Variants in NBEAL2 observed in about 807,000 individuals in gnomAD.
NBEAL2 encodes the protein neurobeachin like 2.
Under a neutral mutation model 299.8 loss-of-function variants are expected in NBEAL2, and 160 were observed. The observed-to-expected ratio is 0.53, with a 90% CI of 0.47 to 0.61. The LOEUF is 0.61. NBEAL2 is among the 20% of genes least tolerant of loss of function. The pLI is 0.00. For synonymous variants in NBEAL2, 1,493 were observed against 1,542.3 expected (o/e 0.97, Z 0.75); for missense variants, 3,112 against 3,649.0 (o/e 0.85, Z 3.79).
chr3:46,994,577 G>A, intron 12 of NBEAL2, 24 bp downstream of exon 12: 2 of 1,544,334 alleles, frequency 1.3e-6, no homozygotes, highest in Non-Finnish European at 1.8e-6. Context: ...CTTGGGACCA[G>A]GGTCCCAAAG....
At position 46,995,337 on chromosome 3, in the gene NBEAL2, T is replaced by A. The variant is rs754137046; in HGVS notation, c.1602T>A (p.Arg534=). Reference sequence around the variant, plus strand: ...TATCAATAAGGCCCATGGAGCTGCGTCACCTGCTGCGCCCCCGGCCAGGAT... The same window carrying A: ...TATCAATAAGGCCCATGGAGCTGCGACACCTGCTGCGCCCCCGGCCAGGAT... ...GRVSIRPMEL[R]HLLRPRPGLD... is the part of the protein sequence containing the mutation. The change falls in exon 13 of 54, where the codon CGT becomes CGA. Residue 534 remains arginine, a synonymous_variant. Coordinates refer to ENST00000450053, the MANE Select transcript of NBEAL2 (RefSeq NM_015175.3). The A allele has an allele frequency of 6.2e-7, 1 of 1,606,302 alleles. No homozygotes were observed. The highest frequency in any genetic ancestry group is 2.2e-5 in the East Asian group (1 of 44,542).
chr3:47,000,802 T>G lies in NBEAL2; in HGVS notation c.4306-199T>G. 1 of 780,172 alleles carries G rather than the reference T, an allele frequency of 1.3e-6. No individual in the cohort carries two copies. The highest frequency in any genetic ancestry group is 2.0e-6 in the Non-Finnish European group (1 of 499,236). 48.3% of individuals were successfully genotyped at this position (780,172 alleles called of 1,614,324 possible). On this transcript the variant is annotated intron_variant, in intron 27 of 53. Transcript: ENST00000450053. The surrounding 1 kb of genome is among the most constrained non-coding windows in gnomAD (Gnocchi z 4.5). ...GGAGTCTGGCAAGACCCCAGGATTCTGCCTGGAACTCAGGTAGTAGTTGAG... is the reference window on the plus strand; with the variant it reads ...GGAGTCTGGCAAGACCCCAGGATTCGGCCTGGAACTCAGGTAGTAGTTGAG...
Position 46,998,949 on chromosome 3 carries a change from G to A in NBEAL2, c.3385-10G>A, listed in dbSNP as rs755559850. ...GGGGCCCGACACAGTGTGAGACCCT[G>A]CATCCCCAGGCGGTGGGTGCGCTGG... On this transcript the variant is annotated splice_polypyrimidine_tract_variant and intron_variant, in intron 23 of 53. Coordinates refer to ENST00000450053, the MANE Select transcript of NBEAL2 (RefSeq NM_015175.3). The A allele has an allele frequency of 1.9e-6, 3 of 1,605,090 alleles. No homozygotes were observed. The highest frequency in any genetic ancestry group is 3.3e-4 in the Middle Eastern group (2 of 6,028).
chr3:47,005,820 C>T lies in NBEAL2; in HGVS notation c.6774C>T (p.Asp2258=). The change falls in exon 42 of 54, where the codon GAC becomes GAT. Residue 2258 remains aspartate, a synonymous_variant. Coordinates refer to ENST00000450053, the MANE Select transcript of NBEAL2 (RefSeq NM_015175.3). ...VLPPWASSPE[D]FIQQHRQALE... is the part of the protein sequence containing the mutation. ...CCCCGTGGGCCAGCTCTCCTGAGGA[C>T]TTCATCCAGCAGCACCGCCAGGCTC... 3 of 1,613,384 alleles carry T rather than the reference C, an allele frequency of 1.9e-6. No individual in the cohort carries two copies. The highest frequency in any genetic ancestry group is 2.5e-6 in the Non-Finnish European group (3 of 1,179,848).
Position 46,995,790 on chromosome 3 carries a change from C to T in NBEAL2, c.1975C>T (p.Arg659Trp), listed in dbSNP as rs555487179. The change falls in exon 14 of 54, where the codon CGG (arginine) becomes TGG (tryptophan). Residue 659 changes from arginine to tryptophan, a missense_variant. This residue lies in a region of NBEAL2 where 2,243 missense variants were observed against 2,538.1 expected (regional missense o/e 0.88). Transcript: ENST00000450053. The stretch of plus-strand genomic sequence containing the variant: ...GACCCTGGTGGTGGCTGTGTGCACA[C>T]GGAAGGAGTATTTGACCATGAGTTT... ...AGTLVVAVCT[R>W]KEYLTMSLPE... 14 of 1,613,826 alleles carry T rather than the reference C, an allele frequency of 8.7e-6. No individual in the cohort carries two copies. Among genetic ancestry groups the T allele is most frequent in the African/African-American group, 2.7e-5 (2 of 75,034 alleles).
Position 47,002,707 on chromosome 3 carries a change from G to A in NBEAL2, c.5364G>A (p.Val1788=). 1 of 1,600,772 alleles carries A rather than the reference G, an allele frequency of 6.2e-7. No homozygotes were observed. The highest frequency in any genetic ancestry group is 8.5e-7 in the Non-Finnish European group (1 of 1,175,906). Residue 1788 remains valine (V), a synonymous_variant, in exon 33 of 54, where the codon GTG becomes GTA. Coordinates refer to ENST00000450053, the MANE Select transcript of NBEAL2 (RefSeq NM_015175.3). ...ARLEGLRYTA[V]LKQQATQHSM... ...TGGAGGGGCTACGCTACACGGCAGT[G>A]CTGAAGCAGCAGGCAACGCAGCACT...
Position 47,007,619 on chromosome 3 carries a change from G to C in NBEAL2, c.7429G>C (p.Gly2477Arg). 6.2e-7 allele frequency: 1 copy of C among 1,611,254 alleles called. No individual in the cohort carries two copies. The highest frequency in any genetic ancestry group is 8.5e-7 in the Non-Finnish European group (1 of 1,179,172). Residue 2477 changes from glycine (G) to arginine (R), a missense_variant, in exon 48 of 54, where the codon GGT (glycine) becomes CGT (arginine). Gly to Arg is a moderately radical substitution (Grantham distance 125, BLOSUM62 -2). Transcript: ENST00000450053. ...VAPDGKLLFS[G>R]GHWDGSLRVT... ...CCCGGATGGAAAGCTGCTATTCAGCGGTGGCCACTGGGATGGCAGCCTGCG... is the reference window on the plus strand; with the variant it reads ...CCCGGATGGAAAGCTGCTATTCAGCCGTGGCCACTGGGATGGCAGCCTGCG...
intron 25 of NBEAL2, 36 bp from the exon 26 acceptor site, chr3:46,999,594 G>T (rs1229947819): frequency 1.3e-6 from 2 of 1,507,488 alleles, no homozygotes; most frequent in Non-Finnish European, 1.8e-6. Context: ...TTCTAGTCTG[G>T]TCAGTCCCTC....
chr3:46,988,715 C>T lies in NBEAL2; in HGVS notation c.98C>T (p.Ala33Val). 6.2e-7 allele frequency: 1 copy of T among 1,613,900 alleles called. No individual in the cohort carries two copies. Among genetic ancestry groups the T allele is most frequent in the Non-Finnish European group, 8.5e-7 (1 of 1,179,818 alleles). The change falls in exon 2 of 54, where the codon GCC becomes GTC. Residue 33 changes from alanine (A) to valine (V), a missense_variant. Ala to Val is a moderately conservative substitution (Grantham distance 64). Around this residue, in one of 3 missense-constraint regions of NBEAL2, gnomAD observed 2,243 missense variants for 2,538.1 expected, o/e 0.88. Transcript: ENST00000450053. The surrounding 1 kb of genome is among the most constrained non-coding windows in gnomAD (Gnocchi z 4.4). Reference sequence around the variant, plus strand: ...CAGTGGCTGAAGGCCTTTGTAGGTGCCTTCAAGAAGAGCATCTCACTGTCC... The same window carrying T: ...CAGTGGCTGAAGGCCTTTGTAGGTGTCTTCAAGAAGAGCATCTCACTGTCC... ...LQQWLKAFVG[A>V]FKKSISLSSL...
At chr3:47,005,132 G>C (rs775011399) in intron 39 of NBEAL2, 36 bp downstream of exon 39, 2 of 1,613,890 alleles carry the variant, frequency 1.2e-6, no homozygotes, top group Non-Finnish European at 8.5e-7. Flanking sequence ...CAGCGGGTAG[G>C]GAAAGGCGAG....
In NBEAL2 at chr3:47,004,972, T is replaced by C. The variant is rs1203088640; in HGVS notation, c.6295T>C (p.Phe2099Leu). The C allele has an allele frequency of 6.2e-7, 1 of 1,605,652 alleles. No individual in the cohort carries two copies. The highest frequency in any genetic ancestry group is 1.7e-5 in the Admixed American group (1 of 58,984). The change falls in exon 39 of 54, where the codon TTC becomes CTC. Residue 2099 changes from phenylalanine (F) to leucine (L), a missense_variant and splice_region_variant. Phe to Leu is a conservative substitution (Grantham distance 22). Coordinates refer to ENST00000450053, the MANE Select transcript of NBEAL2 (RefSeq NM_015175.3). This position sits in a 1 kb window ranked among gnomAD's most constrained non-coding sequence, Gnocchi z 5.0. ...TYNDLSQYPV[F>L]PWVLQDYVSP... ...AGCCCCTGCTCGGGTGGGTGGCCAG[T>C]TCCCCTGGGTCCTGCAGGACTACGT...
chr3:46,997,949 C>T, intron 20 of NBEAL2, 118 bp from the exon 21 acceptor site: 1 of 1,333,698 alleles, frequency 7.5e-7, no homozygotes. Flanking sequence ...GGGTTCTGAG[C>T]AGGCTGGTGG....
At position 47,004,329 on chromosome 3, in the gene NBEAL2, C is replaced by A. The variant is rs543158101; in HGVS notation, c.6134C>A (p.Pro2045His). Reference sequence around the variant, plus strand: ...TCGTGGCTCCTGCGCCTACGGCCCCCCTCTCAAGGCTACCTAAGCAGCCGC... The same window carrying A: ...TCGTGGCTCCTGCGCCTACGGCCCCACTCTCAAGGCTACCTAAGCAGCCGC... ...VYSWLLRLRP[P>H]SQGYLSSRSP... is the part of the protein sequence containing the mutation. The change falls in exon 37 of 54, where the codon CCC becomes CAC. Residue 2045 changes from proline to histidine, a missense_variant. Transcript: ENST00000450053. The surrounding 1 kb of genome is among the most constrained non-coding windows in gnomAD (Gnocchi z 5.0). 1.2e-6 allele frequency: 2 copies of A among 1,610,120 alleles called. No homozygotes were observed. Among genetic ancestry groups the A allele is most frequent in the Admixed American group, 1.7e-5 (1 of 59,916 alleles).
chr3:46,998,935 C>G (rs1367316538), intron 23 of NBEAL2, 24 bp from the exon 24 acceptor site: 2 of 1,603,330 alleles, frequency 1.2e-6, no homozygotes, highest in African/African-American at 2.7e-5. Flanking sequence ...GGGCCCGACA[C>G]AGTGTGAGAC....
At chr3:46,990,441 T>C (rs1479247627) in intron 6 of NBEAL2, among the ~76,000 whole-genome samples, 2 of 152,218 alleles carry the variant, frequency 1.3e-5, no homozygotes, top group African/African-American at 4.8e-5. Flanking sequence ...TCAGCCTGGC[T>C]TCTGTCCTCT....
chr3:46,996,979 ACC>A lies in NBEAL2; in HGVS notation c.2583_2584del (p.Leu862ValfsTer7), dbSNP rs2036552245. ...GCTTGTAAGAACAACATCTGCCTGG[ACC>A]TGTCCCCCAGTCATGGGCTTGATGG... On this transcript the variant is annotated frameshift_variant, in exon 18 of 54. Coordinates refer to ENST00000450053, the MANE Select transcript of NBEAL2 (RefSeq NM_015175.3). LOFTEE classifies it high-confidence loss of function. 2 of 1,613,182 alleles carry A rather than the reference ACC, an allele frequency of 1.2e-6. No individual in the cohort carries two copies. The highest frequency in any genetic ancestry group is 1.7e-6 in the Non-Finnish European group (2 of 1,179,828).
In NBEAL2 at chr3:47,009,028, C is replaced by G. The variant is rs760292590; in HGVS notation, c.8067C>G (p.Ala2689=). 2 of 1,600,940 alleles carry G rather than the reference C, an allele frequency of 1.2e-6. No homozygotes were observed. The highest frequency in any genetic ancestry group is 1.7e-6 in the Non-Finnish European group (2 of 1,179,806). The change falls in exon 53 of 54, where the codon GCC becomes GCG. Residue 2689 remains alanine, a synonymous_variant. Transcript: ENST00000450053. ...PAAPPLPMKV[A]IRSVAVTKER... ...CGCCTCCCTTGCCCATGAAGGTGGC[C>G]ATCCGCAGCGTGGCCGTGACCAAGG...
intron 40 of NBEAL2, 44 bp from the exon 41 acceptor site, chr3:47,005,443 GTC>G: frequency 5.6e-6 from 9 of 1,596,570 alleles, no homozygotes; most frequent in Non-Finnish European, 7.7e-6. Context: ...CTCCCTCCCT[GTC>G]TCCATTCTCC....
At chr3:46,987,886 C>T in intron 1 of NBEAL2, 1 of 589,040 alleles carries the variant, frequency 1.7e-6, no homozygotes, top group South Asian at 7.5e-5. Flanking sequence ...TGCCCCGGCC[C>T]CCCCACATCC....
Sources: gnomAD v4.1 joint callset for allele counts (sites outside exome capture counted in the v4.1 genomes callset) on GRCh38, gnomAD v4.1.1 for gene constraint, gnomAD v4.1.1 regional missense constraint, Gnocchi (gnomAD v3.1) non-coding constraint, MANE v1.5 for transcripts, NCBI Gene and HGNC (gene_info 2026-07-23, HGNC 2026-07-21) for gene names.